The following RASAL2 variants were observed in gnomAD, a reference collection of about 807,000 sequenced individuals.
RASAL2 encodes RAS protein activator like 2, also known as ras GTPase-activating protein nGAP.
A neutral mutation model predicts 128.9 loss-of-function variants in RASAL2; 58 were observed. The ratio of observed to expected loss-of-function variants is 0.45; its 90% confidence interval spans 0.36 to 0.56. The LOEUF (loss-of-function observed/expected upper bound fraction) is 0.56. RASAL2 is among the 20% of genes least tolerant of loss of function. The pLI is 0.00. For missense variants in RASAL2, 1,360 were observed against 1,601.6 expected, an observed-to-expected ratio of 0.85 and a Z score of 2.57; for synonymous variants, 561 against 580.8, an observed-to-expected ratio of 0.97 and a Z score of 0.49.
chr1:178,473,185 C>A lies in RASAL2; in HGVS notation c.3789C>A (p.Asn1263Lys). Residue 1263 changes from asparagine to lysine, a missense_variant, in exon 18 of 18, where the codon AAC becomes AAA. Transcript: ENST00000367649. ...TCCGCAATGGCATCTCCCCCACCAACCCCACCAAGCTTTCCATCACGGAGA... is the reference window on the plus strand; with the variant it reads ...TCCGCAATGGCATCTCCCCCACCAAACCCACCAAGCTTTCCATCACGGAGA... ...MQVRNGISPT[N>K]PTKLSITENG... 6.2e-7 allele frequency: 1 copy of A among 1,614,198 alleles called. No homozygotes were observed. Among genetic ancestry groups the A allele is most frequent in the Non-Finnish European group, 8.5e-7 (1 of 1,180,032 alleles).
At chr1:178,413,073 CAG>C (rs1426608559) in intron 4 of RASAL2, among the ~76,000 whole-genome samples, 1 of 151,346 alleles carries the variant, frequency 6.6e-6, no homozygotes, top group Non-Finnish European at 1.5e-5. Flanking sequence ...GTCTTTTCTT[CAG>C]AGTCTTGCTC....
At chr1:178,361,128 A>T (rs1671082308) in intron 3 of RASAL2, among the ~76,000 whole-genome samples, 1 of 152,226 alleles carries the variant, frequency 6.6e-6, no homozygotes, top group Non-Finnish European at 1.5e-5. Flanking sequence ...ATAATAATGT[A>T]GTTCTGTAAA....
At chr1:178,181,596 T>C (rs990793233) in intron 1 of RASAL2, among the ~76,000 whole-genome samples, 6 of 152,166 alleles carry the variant, frequency 3.9e-5, no homozygotes, top group Non-Finnish European at 7.4e-5. Context: ...ACATTCTTTT[T>C]CTGTTTCAGG....
At chr1:178,425,475 A>C (rs1675459083) in intron 5 of RASAL2, among the ~76,000 whole-genome samples, 1 of 152,196 alleles carries the variant, frequency 6.6e-6, no homozygotes, top group African/African-American at 2.4e-5. Flanking sequence ...AAACAGATGT[A>C]GTTACCTACA....
chr1:178,332,376 G>C (rs994270773), intron 3 of RASAL2, among the ~76,000 whole-genome samples: 22 of 151,830 alleles, frequency 1.4e-4, no homozygotes, highest in Non-Finnish European at 2.1e-4. Context: ...GGTGGTGGCA[G>C]GCACTTGTAT....
intron 5 of RASAL2, among the ~76,000 whole-genome samples, chr1:178,434,594 AT>A (rs1676135237): frequency 6.6e-6 from 1 of 152,108 alleles, no homozygotes; most frequent in East Asian, 1.9e-4. Flanking sequence ...TGTGGTACAT[AT>A]TTTTAAGCTA....
intron 1 of RASAL2, among the ~76,000 whole-genome samples, chr1:178,142,987 T>C (rs1571538189): frequency 6.6e-6 from 1 of 152,036 alleles, no homozygotes; most frequent in East Asian, 1.9e-4. Context: ...AGCTTAGTGA[T>C]AAGGCAGGGG....
chr1:178,320,613 C>G (rs557556964), intron 3 of RASAL2, among the ~76,000 whole-genome samples: 88 of 152,334 alleles, frequency 5.8e-4, no homozygotes, highest in Non-Finnish European at 3.8e-4. Context: ...TGACCCCTTG[C>G]GCTTCCCAGG....
Position 178,464,309 on chromosome 1 carries a change from C to G in RASAL2, c.3284C>G (p.Ser1095Cys). The G allele has an allele frequency of 6.2e-7, 1 of 1,613,440 alleles. No homozygotes were observed. The highest frequency in any genetic ancestry group is 8.5e-7 in the Non-Finnish European group (1 of 1,179,640). The change falls in exon 15 of 18, where the codon TCC (serine) becomes TGC (cysteine). Residue 1095 changes from serine to cysteine, a missense_variant. Coordinates refer to ENST00000367649, the MANE Select transcript of RASAL2 (RefSeq NM_170692.4). ...TCACCTGTGGACTCTGCCACAATGT[C>G]CCCAGTAGAGAGGACAGCAGCCTGG... ...VQSPVDSATM[S>C]PVERTAAWVL...
chr1:178,402,380 G>A (rs977166513), intron 4 of RASAL2, among the ~76,000 whole-genome samples: 3 of 151,708 alleles, frequency 2.0e-5, no homozygotes, highest in African/African-American at 7.3e-5. Flanking sequence ...CTCCAGCCTG[G>A]GCGACAGAGC....
At chr1:178,295,368 A>C (rs1667447015) in intron 2 of RASAL2, among the ~76,000 whole-genome samples, 1 of 148,286 alleles carries the variant, frequency 6.7e-6, no homozygotes, top group African/African-American at 2.5e-5. Context: ...CCCTCTCCTC[A>C]CCCCTCACCC....
rs60358768 is a variant in RASAL2 at position 178,447,673 on chromosome 1, T to TAAAAA, written c.1627+2035_1627+2039dup. On this transcript the variant is annotated intron_variant, in intron 9 of 17. Coordinates refer to ENST00000367649, the MANE Select transcript of RASAL2 (RefSeq NM_170692.4). ...GAGACAAGAGCAAAACTCCTTCTCT[T>TAAAAA]AAAAAAAAAAAAAAAAAAAAAAAAA... Among the ~76,000 whole-genome samples the TAAAAA allele has an allele frequency of 1.4e-3, 81 of 56,046 alleles. 6 individuals carry two copies. Among genetic ancestry groups the TAAAAA allele is most frequent in the African/African-American group, 3.2e-3 (46 of 14,452 alleles). 36.8% of individuals were successfully genotyped at this position (56,046 alleles called of 152,430 possible).
At chr1:178,207,426 T>G (rs1387333893) in intron 1 of RASAL2, among the ~76,000 whole-genome samples, 1 of 152,178 alleles carries the variant, frequency 6.6e-6, no homozygotes, top group South Asian at 2.1e-4. Flanking sequence ...AACATTTATA[T>G]TGTGTTAGAT....
chr1:178,237,546 C>T (rs745467118), intron 1 of RASAL2, among the ~76,000 whole-genome samples: 5 of 152,156 alleles, frequency 3.3e-5, no homozygotes, highest in South Asian at 2.1e-4. Context: ...CAGTGGTTTA[C>T]GAGTATAGAC....
intron 4 of RASAL2, among the ~76,000 whole-genome samples, chr1:178,410,983 G>A (rs1674332519): frequency 6.6e-6 from 1 of 152,118 alleles, no homozygotes; most frequent in Non-Finnish European, 1.5e-5. Context: ...AGAACTAAAA[G>A]TAGAACTGCC....
chr1:178,320,256 T>C (rs2102331590), intron 3 of RASAL2, among the ~76,000 whole-genome samples: 1 of 152,302 alleles, frequency 6.6e-6, no homozygotes, highest in South Asian at 2.1e-4. Flanking sequence ...TGTTTGTCTG[T>C]GCCCTGCCCC....
chr1:178,420,492 C>G lies in RASAL2; in HGVS notation c.565-19C>G, dbSNP rs755510835. 6.4e-7 allele frequency: 1 copy of G among 1,557,376 alleles called. No individual in the cohort carries two copies. ...CCCTTTTGGTTCTCTCTCCCATCACCTTCTGCCTTTCCTTCTAGGGATTCT... is the reference window on the plus strand; with the variant it reads ...CCCTTTTGGTTCTCTCTCCCATCACGTTCTGCCTTTCCTTCTAGGGATTCT... On this transcript the variant is annotated intron_variant, in intron 4 of 17. Transcript: ENST00000367649.
chr1:178,285,143 T>G (rs1292767564), intron 2 of RASAL2, among the ~76,000 whole-genome samples: 1 of 131,196 alleles, frequency 7.6e-6, no homozygotes, highest in Non-Finnish European at 1.6e-5. Flanking sequence ...AGACGGAGTC[T>G]CGCTCTGTCA....
At chr1:178,232,442 T>G (rs991917623) in intron 1 of RASAL2, among the ~76,000 whole-genome samples, 2 of 152,214 alleles carry the variant, frequency 1.3e-5, no homozygotes, top group African/African-American at 2.4e-5. Context: ...TTCCAGAAAT[T>G]TTTTAAGTAT....
Sources: gnomAD v4.1 joint callset for allele counts (sites outside exome capture counted in the v4.1 genomes callset) on GRCh38, gnomAD v4.1.1 for gene constraint, MANE v1.5 for transcripts, NCBI Gene and HGNC (gene_info 2026-07-23, HGNC 2026-07-21) for gene names.